Variants in CRTC3 observed in about 807,000 individuals in gnomAD.
CRTC3 encodes CREB regulated transcription coactivator 3, also known as CREB-regulated transcription coactivator 3.
Under a neutral mutation model 74.5 loss-of-function variants are expected in CRTC3, and 26 were observed. The ratio of observed to expected loss-of-function variants is 0.35; its 90% CI spans 0.26 to 0.48. CRTC3 has a LOEUF of 0.48. CRTC3 is among the 20% of genes least tolerant of loss of function. CRTC3 has a pLI of 0.99. For missense variants in CRTC3, 760 were observed against 787.3 expected, an observed-to-expected ratio of 0.97 and a Z score of 0.41; for synonymous variants, 377 against 325.8, an observed-to-expected ratio of 1.16 and a Z score of -1.69.
chr15:90,539,341 T>C (rs912384043), intron 1 of CRTC3, among the ~76,000 whole-genome samples: 3 of 152,316 alleles, frequency 2.0e-5, no homozygotes, highest in East Asian at 3.9e-4. Flanking sequence ...ACCTATTGAA[T>C]TGACCTCCTT....
rs1183496948 is a variant in CRTC3, at chr15:90,604,467, G to C, written c.476+20G>C. On this transcript the variant is annotated intron_variant, in intron 5 of 14. Coordinates refer to ENST00000268184, the MANE Select transcript of CRTC3 (RefSeq NM_022769.5). ...TAACAGGTACATGGGTTGTTTCCTG[G>C]TAGGAGTAGATTTTAAAGCAATTTA... 1.3e-6 allele frequency: 2 copies of C among 1,588,932 alleles called. No individual in the cohort carries two copies. Among genetic ancestry groups the C allele is most frequent in the Admixed American group, 1.7e-5 (1 of 59,910 alleles).
intron 3 of CRTC3, among the ~76,000 whole-genome samples, chr15:90,601,575 C>T (rs1968071432): frequency 6.6e-6 from 1 of 152,100 alleles, no homozygotes; most frequent in Non-Finnish European, 1.5e-5. Context: ...ATTGCTTGAA[C>T]CTGGGAGGTG....
intron 2 of CRTC3, among the ~76,000 whole-genome samples, chr15:90,546,864 CCA>C (rs1966845146): frequency 6.6e-6 from 1 of 152,186 alleles, no homozygotes; most frequent in African/African-American, 2.4e-5. Context: ...ACCTCGTGAT[CCA>C]CCCGCCTCGG....
Position 90,642,739 on chromosome 15 carries a change from G to A in CRTC3, c.*599G>A, listed in dbSNP as rs3743402. 0.059 allele frequency: 13,572 copies of A among 231,406 alleles called. 708 individuals carry two copies. Among genetic ancestry groups the A allele is most frequent in the Admixed American group, 0.17 (2,981 of 17,786 alleles). 14.3% of individuals were successfully genotyped at this position (231,406 alleles called of 1,614,324 possible). A position where few individuals can be genotyped will look rare whatever the true frequency, so the allele number is the denominator to read the frequency against. ...GCAGGCTTGAGTTAGGCAGACTGAA[G>A]GCTAATTTTCATTTTCTCCCAGCTG... On this transcript the variant is annotated 3_prime_UTR_variant, in exon 15 of 15. Transcript: ENST00000268184.
intron 2 of CRTC3, among the ~76,000 whole-genome samples, chr15:90,541,511 A>T (rs930463899): frequency 1.3e-4 from 20 of 152,034 alleles, no homozygotes; most frequent in African/African-American, 4.8e-4. Context: ...TTACCATATT[A>T]CTGCCTGTAT....
At chr15:90,586,362 CTTTTTTTTTT>C (rs55985691) in intron 2 of CRTC3, among the ~76,000 whole-genome samples, 17 of 81,268 alleles carry the variant, frequency 2.1e-4, no homozygotes, top group Non-Finnish European at 3.2e-4. Flanking sequence ...GGTAGAACTT[CTTTTTTTTTT>C]TTTTTTTTTT....
chr15:90,642,460 A>G lies in CRTC3; in HGVS notation c.*320A>G. On this transcript the variant is annotated 3_prime_UTR_variant, in exon 15 of 15. Transcript: ENST00000268184. The stretch of plus-strand genomic sequence containing the variant: ...GTCAGCCGATGTGTAAGAGTAGGAA[A>G]TACTGTGTCACTGGAGGCCTCCGTA... 2.2e-6 allele frequency: 1 copy of G among 447,812 alleles called. No homozygotes were observed. The highest frequency in any genetic ancestry group is 4.1e-6 in the Non-Finnish European group (1 of 241,510). 27.7% of individuals were successfully genotyped at this position (447,812 alleles called of 1,614,324 possible). A position where few individuals can be genotyped will look rare whatever the true frequency, so the allele number is the denominator to read the frequency against.
chr15:90,537,869 G>T (rs1170823275), intron 1 of CRTC3, among the ~76,000 whole-genome samples: 1 of 152,242 alleles, frequency 6.6e-6, no homozygotes, highest in Non-Finnish European at 1.5e-5. Context: ...GTTTCACCGT[G>T]TTGGCCAGGC....
intron 2 of CRTC3, among the ~76,000 whole-genome samples, chr15:90,541,825 G>A (rs901285571): frequency 2.4e-5 from 3 of 126,274 alleles, no homozygotes; most frequent in Admixed American, 9.8e-5. Context: ...TCACTCTGTC[G>A]CCCAGGCAGG....
intron 2 of CRTC3, among the ~76,000 whole-genome samples, chr15:90,570,107 T>C (rs950245389): frequency 2.1e-4 from 32 of 152,214 alleles, no homozygotes; most frequent in African/African-American, 7.7e-4. Context: ...TATAGGAGTA[T>C]ATGAAGTTTT....
At chr15:90,551,476 C>T (rs1233636193) in intron 2 of CRTC3, among the ~76,000 whole-genome samples, 1 of 152,014 alleles carries the variant, frequency 6.6e-6, no homozygotes, top group African/African-American at 2.4e-5. Flanking sequence ...TGCATTAAGC[C>T]ACATTTCAAG....
intron 2 of CRTC3, among the ~76,000 whole-genome samples, chr15:90,570,554 T>C (rs1423503032): frequency 6.6e-6 from 1 of 152,166 alleles, no homozygotes; most frequent in African/African-American, 2.4e-5. Context: ...AATGATTTTT[T>C]TGGGGAAAGA....
At position 90,638,876 on chromosome 15, in the gene CRTC3, C is replaced by A; in HGVS notation, c.1548+61C>A. On this transcript the variant is annotated intron_variant, in intron 13 of 14. Coordinates refer to ENST00000268184, the MANE Select transcript of CRTC3 (RefSeq NM_022769.5). Reference sequence around the variant, plus strand: ...CATAAACTGTACCATTTAGGTTGTTCATTCTGTAGAATTCAGAACTGAGCA... The same window carrying A: ...CATAAACTGTACCATTTAGGTTGTTAATTCTGTAGAATTCAGAACTGAGCA... The A allele has an allele frequency of 2.1e-6, 3 of 1,396,230 alleles. No individual in the cohort carries two copies. The South Asian group carries it at 3.5e-5, about 16-fold the overall frequency. The allele number at this position is 1,396,230 out of a possible 1,614,324, so 86.5% of individuals were successfully genotyped here.
At chr15:90,636,750 AACAG>A (rs1596150420) in intron 11 of CRTC3, among the ~76,000 whole-genome samples, 3 of 152,272 alleles carry the variant, frequency 2.0e-5, no homozygotes, top group East Asian at 3.8e-4. Flanking sequence ...GAAGGATATG[AACAG>A]ACACTCTTCA....
intron 2 of CRTC3, among the ~76,000 whole-genome samples, chr15:90,588,158 G>T (rs527857918): frequency 1.3e-5 from 2 of 151,866 alleles, no homozygotes; most frequent in Non-Finnish European, 2.9e-5. Flanking sequence ...TACTCAAGAG[G>T]CTGAGGCAGG....
intron 2 of CRTC3, among the ~76,000 whole-genome samples, chr15:90,589,142 C>T (rs182972411): frequency 3.4e-5 from 5 of 149,028 alleles, no homozygotes; most frequent in South Asian, 4.3e-4. Context: ...CTGCAACCTC[C>T]GCCTCCCGGG....
At chr15:90,610,365 C>CT (rs375226877) in intron 6 of CRTC3, among the ~76,000 whole-genome samples, 2 of 152,178 alleles carry the variant, frequency 1.3e-5, no homozygotes, top group African/African-American at 4.8e-5. Flanking sequence ...TGCAGCCACA[C>CT]TTTTTTGTTA....
At chr15:90,562,966 G>A (rs1967044988) in intron 2 of CRTC3, among the ~76,000 whole-genome samples, 1 of 152,190 alleles carries the variant, frequency 6.6e-6, no homozygotes, top group Admixed American at 6.5e-5. Flanking sequence ...GGCCATGCCT[G>A]TGCTTGTCTC....
intron 2 of CRTC3, among the ~76,000 whole-genome samples, chr15:90,572,369 T>C (rs990868623): frequency 2.0e-5 from 3 of 152,186 alleles, no homozygotes; most frequent in Non-Finnish European, 4.4e-5. Context: ...GGAACATTCT[T>C]GTTATGATAT....
Sources: allele counts gnomAD v4.1 joint callset (sites outside exome capture counted in the v4.1 genomes callset), GRCh38; gene constraint gnomAD v4.1.1; transcripts MANE v1.5; gene names NCBI Gene and HGNC (gene_info 2026-07-23, HGNC 2026-07-21).